SEMA6D: variants seen among roughly 807,000 people sequenced by gnomAD.
SEMA6D encodes the protein semaphorin 6D.
In SEMA6D, 35 loss-of-function variants were observed where a neutral mutation model predicts 106.6. That is an observed-to-expected ratio of 0.33 (90% CI 0.25 to 0.44). The LOEUF (loss-of-function observed/expected upper bound fraction) is 0.44, where lower values mean the gene tolerates loss of function less well. SEMA6D is among the 20% of genes least tolerant of loss of function. SEMA6D has a pLI of 1.00. For synonymous variants in SEMA6D, 499 were observed against 487.7 expected (o/e 1.02, Z -0.31); for missense variants, 1,185 against 1,345.9 (o/e 0.88, Z 1.87).
intron 1 of SEMA6D, among the ~76,000 whole-genome samples, chr15:47,248,401 C>T (rs1198896379): frequency 6.6e-6 from 1 of 152,100 alleles, no homozygotes; most frequent in Non-Finnish European, 1.5e-5. Context: ...TTAGGGAAAA[C>T]CCAGCATTCA....
chr15:47,600,226 A>C (rs867879561), intron 3 of SEMA6D, among the ~76,000 whole-genome samples: 1 of 152,140 alleles, frequency 6.6e-6, no homozygotes, highest in Non-Finnish European at 1.5e-5. Context: ...TGTTCAAAAT[A>C]TCTTCCTTCA....
At chr15:47,589,375 G>C (rs761662236) in intron 3 of SEMA6D, among the ~76,000 whole-genome samples, 2 of 152,234 alleles carry the variant, frequency 1.3e-5, no homozygotes, top group African/African-American at 4.8e-5. Flanking sequence ...AAACAGTCTG[G>C]CTCCAACTCT....
chr15:47,664,594 T>C (rs143680479), intron 4 of SEMA6D, among the ~76,000 whole-genome samples: 19 of 152,362 alleles, frequency 1.2e-4, no homozygotes, highest in African/African-American at 7.2e-5. Flanking sequence ...AGGTGGATCA[T>C]TGAGCATCCC....
intron 4 of SEMA6D, among the ~76,000 whole-genome samples, chr15:47,702,638 T>C (rs1013038971): frequency 3.3e-5 from 5 of 152,210 alleles, no homozygotes; most frequent in Non-Finnish European, 7.3e-5. Flanking sequence ...AGTAGGTGAA[T>C]GGATAAACTA....
At position 47,401,558 on chromosome 15, in the gene SEMA6D, C is replaced by T. The variant is rs145391338; in HGVS notation, c.-238-10835C>T. On this transcript the variant is annotated intron_variant, in intron 1 of 19. Coordinates refer to the SEMA6D transcript ENST00000558014. Reference sequence around the variant, plus strand: ...ACCCCTCTTCTTCCTTCCACCTGCTCACCCAATACCCATGTCTGCTACTTT... The same window carrying T: ...ACCCCTCTTCTTCCTTCCACCTGCTTACCCAATACCCATGTCTGCTACTTT... 2.9e-3 allele frequency among the ~76,000 whole-genome samples: 446 copies of T among 152,268 alleles called. 3 individuals are homozygous for T. Among genetic ancestry groups the T allele is most frequent in the African/African-American group, 4.3e-3 (177 of 41,554 alleles).
At chr15:47,668,544 C>G (rs1262361282) in intron 4 of SEMA6D, among the ~76,000 whole-genome samples, 1 of 152,162 alleles carries the variant, frequency 6.6e-6, no homozygotes, top group Non-Finnish European at 1.5e-5. Flanking sequence ...TTCCATTCCC[C>G]CTTCTCTGCT....
At chr15:47,296,551 G>T (rs1262771243) in intron 1 of SEMA6D, among the ~76,000 whole-genome samples, 1 of 152,102 alleles carries the variant, frequency 6.6e-6, no homozygotes, top group East Asian at 1.9e-4. Flanking sequence ...AAGCAAGGGG[G>T]AATGTTAACT....
At chr15:47,370,683 TAAAAAA>T (rs376454672) in intron 1 of SEMA6D, among the ~76,000 whole-genome samples, 216 of 95,166 alleles carry the variant, frequency 2.3e-3, no homozygotes, top group African/African-American at 8.9e-3. Context: ...CGTCTCTACT[TAAAAAA>T]AAAAAAAAAA....
chr15:47,698,553 TAAATG>T (rs2078745715), intron 4 of SEMA6D, among the ~76,000 whole-genome samples: 1 of 152,198 alleles, frequency 6.6e-6, no homozygotes. Context: ...GTGAATCTAA[TAAATG>T]AAGAAACATT....
chr15:47,560,195 G>A (rs1468826310), intron 3 of SEMA6D, among the ~76,000 whole-genome samples: 2 of 150,152 alleles, frequency 1.3e-5, no homozygotes, highest in African/African-American at 5.0e-5. Context: ...AAGCAAGAAA[G>A]ACCAGTATTC....
intron 3 of SEMA6D, among the ~76,000 whole-genome samples, chr15:47,491,498 T>G (rs2043474981): frequency 6.6e-6 from 1 of 152,124 alleles, no homozygotes; most frequent in Non-Finnish European, 1.5e-5. Context: ...TTCAAAACAA[T>G]ATTCTTTAAA....
intron 2 of SEMA6D, among the ~76,000 whole-genome samples, chr15:47,467,582 G>GA (rs1170298339): frequency 9.9e-5 from 15 of 152,048 alleles, no homozygotes; most frequent in Non-Finnish European, 1.6e-4. Flanking sequence ...GGAAGGGATG[G>GA]AAAAAAAGCT....
At chr15:47,506,600 A>ACACACACACACACT (rs1491191252) in intron 3 of SEMA6D, among the ~76,000 whole-genome samples, 7 of 58,582 alleles carry the variant, frequency 1.2e-4, no homozygotes, top group African/African-American at 4.9e-4. Context: ...ACACACACAA[A>ACACACACACACACT]CACACACACA....
chr15:47,637,472 T>C (rs2077409830), intron 4 of SEMA6D, among the ~76,000 whole-genome samples: 1 of 152,170 alleles, frequency 6.6e-6, no homozygotes, highest in Non-Finnish European at 1.5e-5. Flanking sequence ...ACACTTTTTT[T>C]CTAGCGTATC....
At chr15:47,664,534 T>C (rs926125776) in intron 4 of SEMA6D, among the ~76,000 whole-genome samples, 2 of 152,220 alleles carry the variant, frequency 1.3e-5, no homozygotes, top group Admixed American at 1.3e-4. Flanking sequence ...CAAATGTCAC[T>C]ATAATGTGTA....
intron 4 of SEMA6D, among the ~76,000 whole-genome samples, chr15:47,620,244 G>A (rs2077075042): frequency 6.6e-6 from 1 of 151,402 alleles, no homozygotes; most frequent in South Asian, 2.1e-4. Context: ...TGCAGTGAAT[G>A]TTTTTGAATT....
chr15:47,300,993 G>C (rs1478058321), intron 1 of SEMA6D, among the ~76,000 whole-genome samples: 1 of 152,220 alleles, frequency 6.6e-6, no homozygotes, highest in Non-Finnish European at 1.5e-5. Context: ...CTACTCACTT[G>C]CTTCCTCCAT....
In SEMA6D at chr15:47,405,008, T is replaced by G. The variant is rs142912775; in HGVS notation, c.-238-7385T>G. 3.4e-4 allele frequency among the ~76,000 whole-genome samples: 52 copies of G among 152,172 alleles called. 1 individual carries two copies. The East Asian group carries it at 9.1e-3, about 27-fold the overall frequency. ...CACCGCCGGTCAAGTGGCAGCTGCT[T>G]CTTAAAGAATGAGTAGGAAATGTCC... On this transcript the variant is annotated intron_variant, in intron 1 of 19. Coordinates refer to the SEMA6D transcript ENST00000558014.
At position 47,552,866 on chromosome 15, in the gene SEMA6D, T is replaced by A. The variant is rs868533003; in HGVS notation, c.-86-47999T>A. Among the ~76,000 whole-genome samples, 475 of 59,542 alleles carry A rather than the reference T, an allele frequency of 8.0e-3. 8 individuals are homozygous for A. Among genetic ancestry groups the A allele is most frequent in the African/African-American group, 0.02 (128 of 6,426 alleles). 39.1% of individuals were successfully genotyped at this position (59,542 alleles called of 152,430 possible). ...TAAATATATATAAATATATATATAT[T>A]TTTATATATATATAAATATATATAA... is the stretch of plus-strand genomic sequence containing the variant. On this transcript the variant is annotated intron_variant, in intron 3 of 19. Coordinates refer to the SEMA6D transcript ENST00000558014.
Sources: allele counts gnomAD v4.1 joint callset (sites outside exome capture counted in the v4.1 genomes callset), GRCh38; gene constraint gnomAD v4.1.1; transcripts MANE v1.5; gene names NCBI Gene and HGNC (gene_info 2026-07-23, HGNC 2026-07-21).